ANK3: variants seen among roughly 807,000 people sequenced by gnomAD.
ANK3 encodes the protein ankyrin 3.
Under a neutral mutation model 370.9 loss-of-function variants are expected in ANK3, and 57 were observed. That is an observed-to-expected ratio of 0.15 (90% CI 0.12 to 0.19). The LOEUF (loss-of-function observed/expected upper bound fraction) is 0.19. ANK3 is among the 10% of genes least tolerant of loss of function. The pLI, the probability that ANK3 is intolerant of heterozygous loss-of-function variation, is 1.00. For missense variants in ANK3, 4,439 were observed against 5,302.1 expected (o/e 0.84, Z 5.06); for synonymous variants, 1,929 against 1,946.3 (o/e 0.99, Z 0.23).
At chr10:60,603,574 GA>G (rs1203165032) in intron 2 of ANK3, among the ~76,000 whole-genome samples, 5 of 151,988 alleles carry the variant, frequency 3.3e-5, no homozygotes, top group African/African-American at 1.2e-4. Context: ...GCCATTTGCA[GA>G]AAAAATGCTA....
At chr10:60,272,641 G>A (rs1011825907) in intron 4 of ANK3, among the ~76,000 whole-genome samples, 10 of 151,922 alleles carry the variant, frequency 6.6e-5, no homozygotes, top group Admixed American at 3.3e-4. Flanking sequence ...CACCTCGCCC[G>A]GCTAATTTTT....
At chr10:60,532,346 T>G (rs749868976) in intron 2 of ANK3, among the ~76,000 whole-genome samples, 2 of 152,124 alleles carry the variant, frequency 1.3e-5, no homozygotes, top group Non-Finnish European at 2.9e-5. Context: ...GGTGCTGCTG[T>G]ACCTCCCAGG....
chr10:60,361,917 C>T (rs1292492764), intron 1 of ANK3, among the ~76,000 whole-genome samples: 2 of 151,818 alleles, frequency 1.3e-5, no homozygotes, highest in Non-Finnish European at 2.9e-5. Context: ...TATTGGAAAA[C>T]ACATACACAC....
rs569721814 is a variant in ANK3 at position 60,690,841 on chromosome 10, C to A, written c.57+42422G>T. On this transcript the variant is annotated intron_variant, in intron 1 of 43. Coordinates refer to the ANK3 transcript ENST00000373827. ...GTAAATGTGTGAAGCTTTGGGGCTA[C>A]AGCATCGATAGGAGCTGTTACTGAG... 6.8e-4 allele frequency among the ~76,000 whole-genome samples: 104 copies of A among 152,250 alleles called. No individual in the cohort carries two copies. In the South Asian group the frequency reaches 0.021, roughly 30 times the overall value.
chr10:60,348,347 C>CAAAAAAAAA (rs35147179), intron 1 of ANK3, among the ~76,000 whole-genome samples: 59 of 68,030 alleles, frequency 8.7e-4, no homozygotes, highest in African/African-American at 1.8e-3. Flanking sequence ...TATCACTAGC[C>CAAAAAAAAA]AAAAAAAAAA....
chr10:60,595,808 C>G (rs1458194369), intron 2 of ANK3, among the ~76,000 whole-genome samples: 2 of 152,004 alleles, frequency 1.3e-5, no homozygotes, highest in African/African-American at 4.8e-5. Flanking sequence ...TAATTAAAAG[C>G]AAGATGGAGT....
chr10:60,185,662 A>G (rs1338135119), intron 17 of ANK3, among the ~76,000 whole-genome samples: 1 of 152,236 alleles, frequency 6.6e-6, no homozygotes, highest in Non-Finnish European at 1.5e-5. Context: ...AGCAGGCAGA[A>G]GAGAAGCTAA....
intron 25 of ANK3, among the ~76,000 whole-genome samples, chr10:60,131,260 C>T (rs7086260): frequency 0.37 from 56,832 of 151,602 alleles, 11,197 homozygotes; most frequent in African/African-American, 0.51. Flanking sequence ...CTTTATGACT[C>T]TCATTTCCCG....
intron 1 of ANK3, among the ~76,000 whole-genome samples, chr10:60,330,876 T>C (rs551567990): frequency 1.4e-4 from 21 of 152,292 alleles, no homozygotes; most frequent in African/African-American, 5.1e-4. Context: ...CAAATGCCCA[T>C]CAATGTTAGA....
At chr10:60,135,352 A>T (rs747274618) in intron 24 of ANK3, among the ~76,000 whole-genome samples, 1 of 152,210 alleles carries the variant, frequency 6.6e-6, no homozygotes, top group Non-Finnish European at 1.5e-5. Context: ...GATAGCTTTC[A>T]TCACTTCCTC....
At chr10:60,174,636 A>C (rs1007353081) in intron 18 of ANK3, among the ~76,000 whole-genome samples, 1 of 152,226 alleles carries the variant, frequency 6.6e-6, no homozygotes, top group Non-Finnish European at 1.5e-5. Context: ...AATATTAAAA[A>C]ATTCTTTGAG....
At chr10:60,470,478 C>CA (rs2065189923) in intron 2 of ANK3, among the ~76,000 whole-genome samples, 2 of 151,522 alleles carry the variant, frequency 1.3e-5, no homozygotes, top group African/African-American at 4.9e-5. Context: ...TTTTTTGAAA[C>CA]AAAAAAAGCC....
In ANK3 at chr10:60,138,998, A is replaced by G. The variant is rs773989200; in HGVS notation, c.2704T>C (p.Tyr902His). ...CGCGCTCCGAGACTAAAGCCCATGT[A>G]ACCCTCTGCAGGCAGGGAATCATCA... ...LGDDSLPAEG[Y>H]MGFSLGARSA... Residue 902 changes from tyrosine (Y) to histidine (H), a missense_variant, in exon 24 of 44, where the codon TAC becomes CAC. Coordinates refer to ENST00000280772, the MANE Select transcript of ANK3 (RefSeq NM_020987.5). 4 of 1,613,926 alleles carry G rather than the reference A, an allele frequency of 2.5e-6. No homozygotes were observed. The highest frequency in any genetic ancestry group is 3.3e-5 in the Admixed American group (2 of 59,968).
At chr10:60,549,045 C>T (rs1048630633) in intron 2 of ANK3, among the ~76,000 whole-genome samples, 26 of 151,806 alleles carry the variant, frequency 1.7e-4, no homozygotes, top group African/African-American at 6.3e-4. Context: ...AGAAACCAAG[C>T]CTTTATTACC....
intron 2 of ANK3, among the ~76,000 whole-genome samples, chr10:60,449,249 T>TA (rs2064531675): frequency 6.6e-6 from 1 of 152,190 alleles, no homozygotes; most frequent in South Asian, 2.1e-4. Flanking sequence ...CATTAAAATA[T>TA]AAAAAATAAA....
In ANK3 at chr10:60,450,236, G is replaced by T. The variant is rs182773691; in HGVS notation, c.96+164950C>A. Among the ~76,000 whole-genome samples, 7 of 152,292 alleles carry T rather than the reference G, an allele frequency of 4.6e-5. No homozygotes were observed. In the East Asian group the frequency reaches 9.7e-4, roughly 21 times the overall value. Reference sequence around the variant, plus strand: ...TTGAGCCCAGGAGTTGGAGGCTGCAGTGAGTTGGGATTACACCACCGCACT... The same window carrying T: ...TTGAGCCCAGGAGTTGGAGGCTGCATTGAGTTGGGATTACACCACCGCACT... On this transcript the variant is annotated intron_variant, in intron 2 of 43. Transcript: ENST00000373827.
intron 1 of ANK3, among the ~76,000 whole-genome samples, chr10:60,302,822 C>CA (rs966925131): frequency 2.7e-5 from 4 of 147,536 alleles, no homozygotes; most frequent in South Asian, 4.3e-4. Flanking sequence ...TGGTATTGGC[C>CA]AAAAAAACAA....
At chr10:60,506,564 C>A (rs1026150069) in intron 2 of ANK3, among the ~76,000 whole-genome samples, 2 of 152,214 alleles carry the variant, frequency 1.3e-5, no homozygotes, top group African/African-American at 4.8e-5. Context: ...GGATTAAAGG[C>A]TCTGGATTTT....
chr10:60,258,447 TA>T (rs2097765290), intron 7 of ANK3, among the ~76,000 whole-genome samples: 1 of 152,348 alleles, frequency 6.6e-6, no homozygotes, highest in Admixed American at 6.5e-5. Flanking sequence ...TTGAAACAGT[TA>T]AGTATGCTAT....
Sources: allele counts gnomAD v4.1 joint callset (sites outside exome capture counted in the v4.1 genomes callset), GRCh38; gene constraint gnomAD v4.1.1; transcripts MANE v1.5; gene names NCBI Gene and HGNC (gene_info 2026-07-23, HGNC 2026-07-21).